CAMTA1: variants seen among roughly 807,000 people sequenced by gnomAD.
The protein encoded by CAMTA1 is calmodulin binding transcription activator 1.
CAMTA1 carries 27 observed loss-of-function variants against 170.9 expected under a neutral mutation model. The ratio of observed to expected loss-of-function variants is 0.16; its 90% CI spans 0.12 to 0.22. The LOEUF (loss-of-function observed/expected upper bound fraction) is 0.22. CAMTA1 is among the 10% of genes least tolerant of loss of function. The pLI is 1.00. For missense variants in CAMTA1, 1,619 were observed against 2,217.2 expected (o/e 0.73, Z 5.42); for synonymous variants, 833 against 891.5 (o/e 0.93, Z 1.17).
At chr1:7,572,733 T>G (rs575637912) in intron 6 of CAMTA1, among the ~76,000 whole-genome samples, 6 of 152,258 alleles carry the variant, frequency 3.9e-5, no homozygotes, top group African/African-American at 2.4e-5. Context: ...TACCATCACC[T>G]GGGGGTTTAG....
intron 4 of CAMTA1, among the ~76,000 whole-genome samples, chr1:7,197,236 G>A (rs944931690): frequency 1.3e-5 from 2 of 152,212 alleles, no homozygotes; most frequent in South Asian, 2.1e-4. Flanking sequence ...CAAATGTGAG[G>A]ATGGAAGGAC....
intron 5 of CAMTA1, among the ~76,000 whole-genome samples, chr1:7,318,365 C>T (rs1677856326): frequency 6.6e-6 from 1 of 152,110 alleles, no homozygotes; most frequent in Admixed American, 6.5e-5. Context: ...TGGGTGGTTA[C>T]CTGGTATATA....
chr1:7,487,328 G>A (rs776854447), intron 6 of CAMTA1, among the ~76,000 whole-genome samples: 1 of 152,182 alleles, frequency 6.6e-6, no homozygotes, highest in African/African-American at 2.4e-5. Context: ...CCCCACCCCA[G>A]CTCTGGGGCC....
chr1:6,971,225 C>G lies in CAMTA1; in HGVS notation c.235-120079C>G, dbSNP rs1038235500. 6.6e-6 allele frequency among the ~76,000 whole-genome samples: 1 copy of G among 152,312 alleles called. No homozygotes were observed. Among genetic ancestry groups the G allele is most frequent in the Non-Finnish European group, 1.5e-5 (1 of 68,018 alleles). On this transcript the variant is annotated intron_variant, in intron 3 of 22. Transcript: ENST00000303635. This position sits in a 1 kb window ranked among gnomAD's most constrained non-coding sequence, Gnocchi z 4.6. ...GATGGGCCTCGCTCCTCATGCTCCC[C>G]ACTCCTGATGAGTAATTACACGTGG...
intron 5 of CAMTA1, among the ~76,000 whole-genome samples, chr1:7,262,510 C>T (rs963021360): frequency 6.6e-6 from 1 of 152,092 alleles, no homozygotes; most frequent in Admixed American, 6.6e-5. Context: ...TGCAGTGAGC[C>T]GAGATCACGC....
chr1:7,048,707 T>C (rs1705808611), intron 3 of CAMTA1, among the ~76,000 whole-genome samples: 1 of 152,220 alleles, frequency 6.6e-6, no homozygotes, highest in Non-Finnish European at 1.5e-5. Flanking sequence ...CAGCTGGTCT[T>C]GAGTCCGAAG....
chr1:7,539,512 T>G (rs1382160909), intron 6 of CAMTA1, among the ~76,000 whole-genome samples: 1 of 152,256 alleles, frequency 6.6e-6, no homozygotes, highest in Non-Finnish European at 1.5e-5. Flanking sequence ...CTTGGGGCTA[T>G]TGCGCTGAAC....
intron 6 of CAMTA1, among the ~76,000 whole-genome samples, chr1:7,583,914 T>C (rs1187349149): frequency 6.6e-6 from 1 of 152,048 alleles, no homozygotes; most frequent in African/African-American, 2.4e-5. Context: ...TGGCATCAGA[T>C]CTGGGCTCTG....
intron 19 of CAMTA1, 140 bp from the exon 20 acceptor site, chr1:7,751,059 T>G: frequency 1.3e-6 from 1 of 777,478 alleles, no homozygotes; most frequent in East Asian, 2.4e-5. Flanking sequence ...TTGCCTCTTT[T>G]GTGATTAAAC....
In CAMTA1 at chr1:6,911,020, G is replaced by T. The variant is rs561965085; in HGVS notation, c.234+85810G>T. 2.0e-5 allele frequency among the ~76,000 whole-genome samples: 3 copies of T among 152,336 alleles called. No homozygotes were observed. In the South Asian group the frequency reaches 6.2e-4, roughly 32 times the overall value. On this transcript the variant is annotated intron_variant, in intron 3 of 22. Coordinates refer to ENST00000303635, the MANE Select transcript of CAMTA1 (RefSeq NM_015215.4). ...AAATTGCAGTACATCTGCTAATGAGGAGACAAGGTGTTACCTTCCGTTTGG... is the reference window on the plus strand; with the variant it reads ...AAATTGCAGTACATCTGCTAATGAGTAGACAAGGTGTTACCTTCCGTTTGG...
At chr1:7,253,190 T>G (rs1416209014) in intron 5 of CAMTA1, among the ~76,000 whole-genome samples, 1 of 152,164 alleles carries the variant, frequency 6.6e-6, no homozygotes, top group Admixed American at 6.6e-5. Flanking sequence ...CCAGCTTCTT[T>G]GGTGCCTGAC....
intron 5 of CAMTA1, among the ~76,000 whole-genome samples, chr1:7,349,996 T>A (rs2084531573): frequency 6.6e-6 from 1 of 152,146 alleles, no homozygotes; most frequent in South Asian, 2.1e-4. Context: ...GGGCTCACAC[T>A]GGGCTCTCTG....
In CAMTA1 at chr1:6,887,842, A is replaced by G; in HGVS notation, c.234+62632A>G. ...TTAACTGTTCTCAAAACCCCAAATT[A>G]ATTTGAACCGAATGTTACTAAAAAT... On this transcript the variant is annotated intron_variant, in intron 3 of 22. Coordinates refer to ENST00000303635, the MANE Select transcript of CAMTA1 (RefSeq NM_015215.4). The surrounding 1 kb of genome is among the most constrained non-coding windows in gnomAD (Gnocchi z 4.1). 1 of 1,455,156 alleles carries G rather than the reference A, an allele frequency of 6.9e-7. No homozygotes were observed. The highest frequency in any genetic ancestry group is 2.5e-5 in the East Asian group (1 of 39,416). 90.1% of individuals were successfully genotyped at this position (1,455,156 alleles called of 1,614,324 possible).
intron 6 of CAMTA1, among the ~76,000 whole-genome samples, chr1:7,473,758 C>A (rs2093373632): frequency 6.6e-6 from 1 of 152,238 alleles, no homozygotes; most frequent in Non-Finnish European, 1.5e-5. Flanking sequence ...TGGCCCAGCT[C>A]CAGGGACCGT....
intron 11 of CAMTA1, among the ~76,000 whole-genome samples, chr1:7,690,048 A>C (rs1310951199): frequency 2.0e-5 from 3 of 152,110 alleles, no homozygotes; most frequent in Non-Finnish European, 4.4e-5. Context: ...AATCCCAGCT[A>C]CTCGGGAGGC....
chr1:7,052,304 T>G (rs923261751), intron 3 of CAMTA1, among the ~76,000 whole-genome samples: 3 of 152,110 alleles, frequency 2.0e-5, no homozygotes, highest in Non-Finnish European at 4.4e-5. Flanking sequence ...CACCTTGGTT[T>G]CTCAGTTCCT....
intron 3 of CAMTA1, among the ~76,000 whole-genome samples, chr1:6,855,871 A>G (rs1662147727): frequency 6.6e-6 from 1 of 152,198 alleles, no homozygotes; most frequent in African/African-American, 2.4e-5. Flanking sequence ...TCCTTCCCCC[A>G]GGACCAAGAT....
At chr1:7,715,060 T>TTTTG (rs1320037886) in intron 11 of CAMTA1, among the ~76,000 whole-genome samples, 11 of 152,190 alleles carry the variant, frequency 7.2e-5, no homozygotes, top group African/African-American at 2.7e-4. Context: ...GTCTGTAACA[T>TTTTG]CATGAGTCCT....
chr1:7,702,596 T>C (rs1475343032), intron 11 of CAMTA1, among the ~76,000 whole-genome samples: 2 of 152,206 alleles, frequency 1.3e-5, no homozygotes, highest in South Asian at 2.1e-4. Flanking sequence ...CCGCCAGCAC[T>C]GTGCAAGCTG....
Sources: gnomAD v4.1 joint callset for allele counts (sites outside exome capture counted in the v4.1 genomes callset) on GRCh38, gnomAD v4.1.1 for gene constraint, Gnocchi (gnomAD v3.1) non-coding constraint, MANE v1.5 for transcripts, NCBI Gene and HGNC (gene_info 2026-07-23, HGNC 2026-07-21) for gene names.